ABI3BP: variants seen among roughly 807,000 people sequenced by gnomAD.
ABI3BP encodes target of Nesh-SH3.
In ABI3BP, 216 loss-of-function variants were observed where a neutral mutation model predicts 268.6. That is an observed-to-expected ratio of 0.80 (90% CI 0.72 to 0.90). The LOEUF (loss-of-function observed/expected upper bound fraction) is 0.90. Ranked by LOEUF, ABI3BP falls within the 40% of genes least tolerant of loss-of-function variation. The pLI is 0.00. For missense variants in ABI3BP, 2,090 were observed against 2,182.4 expected, an observed-to-expected ratio of 0.96 and a Z score of 0.84; for synonymous variants, 730 against 730.0, an observed-to-expected ratio of 1.00 and a Z score of 0.00.
chr3:100,951,683 T>G (rs185537754), intron 1 of ABI3BP, among the ~76,000 whole-genome samples: 1 of 152,018 alleles, frequency 6.6e-6, no homozygotes, highest in East Asian at 1.9e-4. Flanking sequence ...TATATACACC[T>G]TGCTCAAAAC....
intron 2 of ABI3BP, among the ~76,000 whole-genome samples, chr3:100,903,499 G>A (rs182933654): frequency 1.3e-5 from 2 of 152,276 alleles, no homozygotes; most frequent in East Asian, 3.9e-4. Flanking sequence ...CTGGATTAAT[G>A]GATTGATGAG....
At chr3:100,992,362 T>A (rs905213896) in intron 1 of ABI3BP, among the ~76,000 whole-genome samples, 1 of 152,204 alleles carries the variant, frequency 6.6e-6, no homozygotes, top group African/African-American at 2.4e-5. Context: ...ATTCTGACAC[T>A]AGCAACCTTT....
chr3:100,966,037 G>A (rs2081170692), intron 1 of ABI3BP, among the ~76,000 whole-genome samples: 2 of 152,142 alleles, frequency 1.3e-5, no homozygotes, highest in African/African-American at 4.8e-5. Flanking sequence ...GACTAGCTTA[G>A]GTTTCCTCCT....
intron 4 of ABI3BP, among the ~76,000 whole-genome samples, chr3:100,896,352 G>A (rs1351679204): frequency 6.6e-6 from 1 of 151,998 alleles, no homozygotes; most frequent in Non-Finnish European, 1.5e-5. Flanking sequence ...ATTATCTCCG[G>A]GTGCTGTCAA....
Position 100,866,879 on chromosome 3 carries a change from C to G in ABI3BP, c.988G>C (p.Val330Leu), listed in dbSNP as rs762488370. ...GTCAACAACATAGCGATCTCATTACCTGTTGTGGGTCGTGCTGAGATTTTT... is the reference window on the plus strand; with the variant it reads ...GTCAACAACATAGCGATCTCATTACGTGTTGTGGGTCGTGCTGAGATTTTT... ...VEKISARPTT[V>L]TPETVPRSTK... is the part of the protein sequence containing the mutation. Residue 330 changes from valine (V) to leucine (L), a missense_variant and splice_region_variant, in exon 10 of 68, where the codon GTG becomes CTG. Coordinates refer to ENST00000471714, the MANE Select transcript of ABI3BP (RefSeq NM_001375547.2). 240 of 1,612,636 alleles carry G rather than the reference C, an allele frequency of 1.5e-4. No homozygotes were observed. The highest frequency in any genetic ancestry group is 2.0e-4 in the Non-Finnish European group (232 of 1,179,016).
In ABI3BP at chr3:100,982,839, T is replaced by A. The variant is rs146343039; in HGVS notation, c.79+10467A>T. 7.6e-3 allele frequency among the ~76,000 whole-genome samples: 1,151 copies of A among 152,092 alleles called. 11 individuals carry two copies. The highest frequency in any genetic ancestry group is 0.025 in the African/African-American group (1,055 of 41,474). ...CTTACTCTAAACTAACTGGCCAGAG[T>A]GTCTTAACTTCATCTGGGAAAGTGA... On this transcript the variant is annotated intron_variant, in intron 1 of 67. Coordinates refer to ENST00000471714, the MANE Select transcript of ABI3BP (RefSeq NM_001375547.2).
intron 1 of ABI3BP, among the ~76,000 whole-genome samples, chr3:100,940,259 G>A (rs927804269): frequency 6.6e-6 from 1 of 152,056 alleles, no homozygotes; most frequent in African/African-American, 2.4e-5. Flanking sequence ...GATTGGGGAA[G>A]TGATAAGTGT....
Position 100,926,396 on chromosome 3 carries a change from C to T in ABI3BP, c.165G>A (p.Lys55=). Reference sequence around the variant, plus strand: ...CATATCCCAGGAGAAGACCTTCAAGCTTTACATTTGGACTTGGACGCAAGA... The same window carrying T: ...CATATCCCAGGAGAAGACCTTCAAGTTTTACATTTGGACTTGGACGCAAGA... ...LKFLRPSPNV[K]LEGLLLGYGS... Residue 55 remains lysine, a synonymous_variant, in exon 2 of 68, where the codon AAG becomes AAA. Transcript: ENST00000471714. The T allele has an allele frequency of 6.2e-7, 1 of 1,613,492 alleles. No homozygotes were observed. Among genetic ancestry groups the T allele is most frequent in the Non-Finnish European group, 8.5e-7 (1 of 1,179,584 alleles).
At chr3:100,930,987 T>A (rs2063436345) in intron 1 of ABI3BP, 3 of 152,234 alleles carry the variant, frequency 2.0e-5, no homozygotes, top group Middle Eastern at 3.4e-3. Context: ...AAAAAGCTAA[T>A]TTGCCATGAT....
intron 51 of ABI3BP, among the ~76,000 whole-genome samples, chr3:100,799,857 A>G (rs935100247): frequency 1.3e-5 from 2 of 152,180 alleles, no homozygotes; most frequent in Non-Finnish European, 2.9e-5. Context: ...CTCTGCCCCA[A>G]ATCCTGACTT....
At chr3:100,948,639 T>C (rs1351819342) in intron 1 of ABI3BP, among the ~76,000 whole-genome samples, 1 of 152,216 alleles carries the variant, frequency 6.6e-6, no homozygotes, top group African/African-American at 2.4e-5. Flanking sequence ...CCTCCCAGGC[T>C]GGTGGCACAT....
intron 1 of ABI3BP, among the ~76,000 whole-genome samples, chr3:100,957,334 G>A (rs2077184699): frequency 1.3e-5 from 2 of 152,194 alleles, no homozygotes; most frequent in African/African-American, 2.4e-5. Context: ...GTTGTCTTTA[G>A]TTGAGTTGGG....
intron 14 of ABI3BP, among the ~76,000 whole-genome samples, chr3:100,856,762 C>A (rs2098944641): frequency 6.6e-6 from 1 of 152,148 alleles, no homozygotes. Context: ...ACAAAAAGCT[C>A]ATTTCCACAT....
chr3:100,927,018 TTGGGAGTACATC>T (rs2061999391), intron 1 of ABI3BP, among the ~76,000 whole-genome samples: 1 of 152,094 alleles, frequency 6.6e-6, no homozygotes. Flanking sequence ...ATTAGTTCCA[TTGGGAGTACATC>T]TGGGAGTACA....
At chr3:100,878,783 A>G (rs1304868321) in intron 6 of ABI3BP, among the ~76,000 whole-genome samples, 1 of 85,360 alleles carries the variant, frequency 1.2e-5, no homozygotes, top group Non-Finnish European at 3.0e-5. Context: ...CAGCTTCTCC[A>G]CCTGTGCCTG....
At chr3:100,977,925 A>G (rs1307110732) in intron 1 of ABI3BP, among the ~76,000 whole-genome samples, 1 of 152,142 alleles carries the variant, frequency 6.6e-6, no homozygotes, top group Non-Finnish European at 1.5e-5. Flanking sequence ...TGCATGATCT[A>G]TGCATATGGT....
At position 100,838,438 on chromosome 3, in the gene ABI3BP, T is replaced by C; in HGVS notation, c.1972A>G (p.Thr658Ala). The C allele has an allele frequency of 6.5e-7, 1 of 1,535,796 alleles. No individual in the cohort carries two copies. Among genetic ancestry groups the C allele is most frequent in the Non-Finnish European group, 8.7e-7 (1 of 1,146,692 alleles). Residue 658 changes from threonine to alanine, a missense_variant, in exon 25 of 68, where the codon ACC becomes GCC. By Grantham distance (58) the Thr-to-Ala change is moderately conservative. Coordinates refer to ENST00000471714, the MANE Select transcript of ABI3BP (RefSeq NM_001375547.2). ...TGAGGTGCATCTGGTCTGTGTGTGG[T>C]TTTAGGTCTCTCAGATGGTTTTGAG... The part of the protein sequence containing the change: ...TASKPSERPK[T>A]THRPDAPQIQ...
intron 12 of ABI3BP, chr3:100,863,137 T>C: frequency 2.1e-6 from 1 of 466,648 alleles, no homozygotes. Context: ...TTTGGACTCT[T>C]CTTTCCACCC....
chr3:100,972,887 T>C (rs139028788), intron 1 of ABI3BP, among the ~76,000 whole-genome samples: 2 of 152,320 alleles, frequency 1.3e-5, no homozygotes, highest in African/African-American at 2.4e-5. Context: ...TCAGACTTAT[T>C]TGTGGACATG....
Sources: gnomAD v4.1 joint callset for allele counts (sites outside exome capture counted in the v4.1 genomes callset) on GRCh38, gnomAD v4.1.1 for gene constraint, MANE v1.5 for transcripts, NCBI Gene and HGNC (gene_info 2026-07-23, HGNC 2026-07-21) for gene names.